SF3B2: variants seen among roughly 807,000 people sequenced by gnomAD.
SF3B2 encodes the protein SAP 145.
SF3B2 carries 22 observed loss-of-function variants against 116.3 expected under a neutral mutation model. The ratio of observed to expected loss-of-function variants is 0.19; its 90% CI spans 0.14 to 0.27. The LOEUF is 0.27. SF3B2 is among the 10% of genes least tolerant of loss of function. The pLI is 1.00. For synonymous variants in SF3B2, 406 were observed against 421.6 expected (o/e 0.96, Z 0.45); for missense variants, 767 against 1,151.4 (o/e 0.67, Z 4.83).
At chr11:66,066,408 T>A (rs1857184911) in intron 19 of SF3B2, 1 of 152,242 alleles carries the variant, frequency 6.6e-6, no homozygotes, top group Admixed American at 6.5e-5. Context: ...CTTCCCAAAG[T>A]GCTGGGATTA....
intron 8 of SF3B2, 43 bp from the exon 9 acceptor site, chr11:66,058,271 G>A: frequency 1.3e-6 from 2 of 1,589,024 alleles, no homozygotes; most frequent in Non-Finnish European, 1.7e-6. Flanking sequence ...CGAGTGCAGG[G>A]CAGTGGCACC....
chr11:66,067,886 C>A, intron 19 of SF3B2, 60 bp from the exon 20 acceptor site: 2 of 1,411,756 alleles, frequency 1.4e-6, no homozygotes, highest in Non-Finnish European at 2.0e-6. Context: ...TCTTTTGTTT[C>A]CGCTTCTGGA....
intron 19 of SF3B2, 49 bp downstream of exon 19, chr11:66,063,778 G>C: frequency 7.1e-7 from 1 of 1,416,106 alleles, no homozygotes; most frequent in South Asian, 1.4e-5. Flanking sequence ...ACTTCCCTTT[G>C]GCTGGCTGGC....
chr11:66,052,641 C>T (rs1208501744), intron 1 of SF3B2, 32 bp from the exon 2 acceptor site: 1 of 1,597,856 alleles, frequency 6.3e-7, no homozygotes, highest in Non-Finnish European at 8.5e-7. Context: ...CCGGGCTGGC[C>T]TGCCCCATTG....
rs1565089003 is a variant in SF3B2, at chr11:66,058,966, A to G, written c.1103A>G (p.Glu368Gly). Residue 368 changes from glutamate (E) to glycine (G), a missense_variant, in exon 10 of 22, where the codon GAG (glutamate) becomes GGG (glycine). By Grantham distance (98) the Glu-to-Gly change is moderately conservative. Transcript: ENST00000322535. ...TCTGATTCCCCAGCAGCTGATGTTG[A>G]GATTGAGTATGTGACTGAAGAACCT... Reference protein sequence around the residue: ...RGSDSPAADVEIEYVTEEPEI... With the variant: ...RGSDSPAADVGIEYVTEEPEI... 6 of 1,614,056 alleles carry G rather than the reference A, an allele frequency of 3.7e-6. No individual in the cohort carries two copies. The highest frequency in any genetic ancestry group is 5.1e-6 in the Non-Finnish European group (6 of 1,180,054).
intron 9 of SF3B2, 145 bp from the exon 10 acceptor site, chr11:66,058,685 C>G: frequency 7.0e-6 from 5 of 709,814 alleles, no homozygotes; most frequent in Non-Finnish European, 1.2e-5. Flanking sequence ...CTCCAAGGCC[C>G]CTTCGCAGCT....
chr11:66,067,836 C>A, intron 19 of SF3B2, 110 bp from the exon 20 acceptor site: 1 of 808,338 alleles, frequency 1.2e-6, no homozygotes, highest in Admixed American at 2.2e-5. Context: ...TTGGGGAGCT[C>A]AGAAGCTCTC....
At chr11:66,055,723 C>T (rs1856982303) in intron 5 of SF3B2, 138 bp downstream of exon 5, 1 of 740,776 alleles carries the variant, frequency 1.3e-6, no homozygotes, top group Non-Finnish European at 2.2e-6. Context: ...CCAAAGCTTT[C>T]AATTTTTCTT....
intron 5 of SF3B2, chr11:66,055,870 A>T (rs1856984962): frequency 7.2e-6 from 3 of 416,526 alleles, no homozygotes; most frequent in Non-Finnish European, 8.5e-6. Context: ...ACAGCAACCC[A>T]TAAAGCCTAA....
At chr11:66,063,271 C>A in intron 17 of SF3B2, 129 bp from the exon 18 acceptor site, 1 of 1,077,650 alleles carries the variant, frequency 9.3e-7, no homozygotes, top group Non-Finnish European at 1.3e-6. Context: ...AAGCTCCTCA[C>A]TAGAATTTGA....
chr11:66,060,598 T>C lies in SF3B2; in HGVS notation c.1646T>C (p.Met549Thr). 6.2e-7 allele frequency: 1 copy of C among 1,614,162 alleles called. No homozygotes were observed. The change falls in exon 14 of 22, where the codon ATG becomes ACG. Residue 549 changes from methionine (M) to threonine (T), a missense_variant. Physicochemically the swap from Met to Thr is moderately conservative, Grantham distance 81. Coordinates refer to ENST00000322535, the MANE Select transcript of SF3B2 (RefSeq NM_006842.3). ...TCTCCACAGGAAGAACAGAAGACCA[T>C]GAAGTCAAAAATGCGAGAGAAAGTT... Reference protein sequence around the residue: ...ALQEKEEQKTMKSKMREKVRP... With the variant: ...ALQEKEEQKTTKSKMREKVRP...
At position 66,060,499 on chromosome 11, in the gene SF3B2, A is replaced by G. The variant is rs1049931882; in HGVS notation, c.1630-83A>G. On this transcript the variant is annotated intron_variant, in intron 13 of 21. Transcript: ENST00000322535. Reference sequence around the variant, plus strand: ...GGTGAGATAATTGAGGCTTCCCATGATCTCATTTGGAGTTGGGAGCTGGAT... The same window carrying G: ...GGTGAGATAATTGAGGCTTCCCATGGTCTCATTTGGAGTTGGGAGCTGGAT... The G allele has an allele frequency of 4.0e-6, 6 of 1,514,362 alleles. No individual in the cohort carries two copies. In the African/African-American group the frequency reaches 5.5e-5, roughly 14 times the overall value. 93.8% of individuals were successfully genotyped at this position (1,514,362 alleles called of 1,614,324 possible). A position where few individuals can be genotyped will look rare whatever the true frequency, so the allele number is the denominator to read the frequency against.
At position 66,059,903 on chromosome 11, in the gene SF3B2, G is replaced by A. The variant is rs868404921; in HGVS notation, c.1523G>A (p.Arg508His). 3 of 1,614,168 alleles carry A rather than the reference G, an allele frequency of 1.9e-6. No individual in the cohort carries two copies. The highest frequency in any genetic ancestry group is 1.7e-5 in the Admixed American group (1 of 60,016). Residue 508 changes from arginine to histidine, a missense_variant, in exon 13 of 22, where the codon CGC becomes CAC. Coordinates refer to ENST00000322535, the MANE Select transcript of SF3B2 (RefSeq NM_006842.3). The surrounding 1 kb of genome is among the most constrained non-coding windows in gnomAD (Gnocchi z 5.0). The stretch of plus-strand genomic sequence containing the variant: ...GTGCCACGCCACTGGTGTTTTAAGC[G>A]CAAATACCTGCAGGGCAAACGGGGC... ...VPVPRHWCFKRKYLQGKRGIE... is the reference protein window; with the variant it reads ...VPVPRHWCFKHKYLQGKRGIE...
At chr11:66,052,774 T>C in intron 2 of SF3B2, 55 bp downstream of exon 2, 6 of 1,513,736 alleles carry the variant, frequency 4.0e-6, no homozygotes, top group Non-Finnish European at 4.4e-6. Context: ...GGAGACCTTA[T>C]ATACCCCATC....
At position 66,059,947 on chromosome 11, in the gene SF3B2, G is replaced by A. The variant is rs562908314; in HGVS notation, c.1567G>A (p.Glu523Lys). The A allele has an allele frequency of 6.2e-7, 1 of 1,614,174 alleles. No individual in the cohort carries two copies. The highest frequency in any genetic ancestry group is 1.3e-5 in the African/African-American group (1 of 75,052). Residue 523 changes from glutamate to lysine, a missense_variant, in exon 13 of 22, where the codon GAG (glutamate) becomes AAG (lysine). Around this residue, in one of 4 missense-constraint regions of SF3B2, gnomAD observed 282 missense variants for 568.0 expected, o/e 0.50. Transcript: ENST00000322535. The surrounding 1 kb of genome is among the most constrained non-coding windows in gnomAD (Gnocchi z 5.0). ...ACGGGGCATTGAGAAGCCCCCCTTC[G>A]AGCTGCCAGACTTCATCAAACGCAC... ...GKRGIEKPPFELPDFIKRTGI... is the reference protein window; with the variant it reads ...GKRGIEKPPFKLPDFIKRTGI...
At position 66,063,616 on chromosome 11, in the gene SF3B2, C is replaced by G; in HGVS notation, c.2229-12C>G. The G allele has an allele frequency of 6.2e-7, 1 of 1,611,106 alleles. No homozygotes were observed. Among genetic ancestry groups the G allele is most frequent in the South Asian group, 1.1e-5 (1 of 90,748 alleles). On this transcript the variant is annotated splice_polypyrimidine_tract_variant and intron_variant, in intron 18 of 21. Coordinates refer to ENST00000322535, the MANE Select transcript of SF3B2 (RefSeq NM_006842.3). ...CTTCTCTTTACTCCAGAGCTTGTTC[C>G]TCTCTTTACAGTGGCCTTATCACTC...
Position 66,063,428 on chromosome 11 carries a change from G to C in SF3B2, c.2114G>C (p.Arg705Pro). ...AAGACTGAGGAAGAAGAGATTGATC[G>C]GACCCCTTGGGGGGAACTGGAACCA... ...QTKTEEEEID[R>P]TPWGELEPSD... Residue 705 changes from arginine (R) to proline (P), a missense_variant, in exon 18 of 22, where the codon CGG becomes CCG. Coordinates refer to ENST00000322535, the MANE Select transcript of SF3B2 (RefSeq NM_006842.3). 2 of 1,613,732 alleles carry C rather than the reference G, an allele frequency of 1.2e-6. No homozygotes were observed. Among genetic ancestry groups the C allele is most frequent in the Non-Finnish European group, 1.7e-6 (2 of 1,179,820 alleles).
At chr11:66,063,270 A>G in intron 17 of SF3B2, 130 bp from the exon 18 acceptor site, 1 of 1,060,090 alleles carries the variant, frequency 9.4e-7, no homozygotes, top group Non-Finnish European at 1.4e-6. Context: ...TAAGCTCCTC[A>G]CTAGAATTTG....
Position 66,055,062 on chromosome 11 carries a change from T to C in SF3B2, c.259-14T>C. ...TAAATGCTTCCTAGTTTTATGATCA[T>C]ATTTTCTCCACAGCTCCCTGGAATT... On this transcript the variant is annotated splice_polypyrimidine_tract_variant and intron_variant, in intron 3 of 21. Coordinates refer to ENST00000322535, the MANE Select transcript of SF3B2 (RefSeq NM_006842.3). 2.0e-6 allele frequency: 3 copies of C among 1,501,752 alleles called. No individual in the cohort carries two copies. The South Asian group carries it at 4.2e-5, about 21-fold the overall frequency. The allele number at this position is 1,501,752 out of a possible 1,614,324, so 93.0% of individuals were successfully genotyped here. A position where few individuals can be genotyped will look rare whatever the true frequency, so the allele number is the denominator to read the frequency against.
Sources: gnomAD v4.1 joint callset for allele counts on GRCh38, gnomAD v4.1.1 for gene constraint, gnomAD v4.1.1 regional missense constraint, Gnocchi (gnomAD v3.1) non-coding constraint, MANE v1.5 for transcripts, NCBI Gene and HGNC (gene_info 2026-07-23, HGNC 2026-07-21) for gene names.